LLPH: variants seen among roughly 807,000 people sequenced by gnomAD.
LLPH encodes protein LLP homolog.
In LLPH, 5 loss-of-function variants were observed where a neutral mutation model predicts 13.3. The ratio of observed to expected loss-of-function variants is 0.38; its 90% CI spans 0.20 to 0.79. The LOEUF (loss-of-function observed/expected upper bound fraction) is 0.79, where lower values mean the gene tolerates loss of function less well. Among genes scored for constraint, LLPH ranks in the 30% least tolerant of loss-of-function variants. The probability of loss-of-function intolerance (pLI) is 0.45; values close to 1 mark genes in which losing one functional copy is unlikely to be tolerated. For synonymous variants in LLPH, 32 were observed against 44.2 expected, an observed-to-expected ratio of 0.72 and a Z score of 1.09; for missense variants, 129 against 152.1, an observed-to-expected ratio of 0.85 and a Z score of 0.80.
intron 2 of LLPH, among the ~76,000 whole-genome samples, chr12:66,127,282 G>T (rs896250121): frequency 6.6e-6 from 1 of 152,186 alleles, no homozygotes; most frequent in Admixed American, 6.5e-5. Context: ...CCCAGCAACC[G>T]TTGAATGGAT....
Position 66,120,850 on chromosome 12 carries a change from C to T in LLPH, c.*2990G>A, listed in dbSNP as rs2051458683. ...ATACCCCTGCACTAATTTTGAAATG[C>T]TAGTCTAAATTTCCTGCCAATATTT... On this transcript the variant is annotated 3_prime_UTR_variant, in exon 3 of 3. Coordinates refer to ENST00000266604, the MANE Select transcript of LLPH (RefSeq NM_032338.4). 1 of 152,188 alleles carries T rather than the reference C, an allele frequency of 6.6e-6. No individual in the cohort carries two copies. Among genetic ancestry groups the T allele is most frequent in the South Asian group, 2.1e-4 (1 of 4,834 alleles). 9.4% of individuals were successfully genotyped at this position (152,188 alleles called of 1,614,324 possible). A position where few individuals can be genotyped will look rare whatever the true frequency, so the allele number is the denominator to read the frequency against.
At chr12:66,129,435 G>A (rs550725737) in intron 1 of LLPH, among the ~76,000 whole-genome samples, 1 of 151,250 alleles carries the variant, frequency 6.6e-6, no homozygotes, top group Admixed American at 6.6e-5. Flanking sequence ...TCCCAGGCTG[G>A]AGTGCAGTGG....
chr12:66,123,500 ACAT>A lies in LLPH; in HGVS notation c.*337_*339del, dbSNP rs2051476917. The A allele has an allele frequency of 4.6e-6, 1 of 219,076 alleles. No individual in the cohort carries two copies. Among genetic ancestry groups the A allele is most frequent in the South Asian group, 1.4e-4 (1 of 7,022 alleles). 13.6% of individuals were successfully genotyped at this position (219,076 alleles called of 1,614,324 possible). The stretch of plus-strand genomic sequence containing the variant: ...TCTAAGTTCACAAAAATTTGTCAGT[ACAT>A]CATCTGTTTTATCTCTATTGACTAT... On this transcript the variant is annotated 3_prime_UTR_variant, in exon 3 of 3. Transcript: ENST00000266604.
In LLPH at chr12:66,122,634, A is replaced by C. The variant is rs2051470261; in HGVS notation, c.*1206T>G. The C allele has an allele frequency of 6.6e-6, 1 of 152,234 alleles. No individual in the cohort carries two copies. Among genetic ancestry groups the C allele is most frequent in the Non-Finnish European group, 1.5e-5 (1 of 68,046 alleles). 9.4% of individuals were successfully genotyped at this position (152,234 alleles called of 1,614,324 possible). ...CTGTAGTAAGACAGATTTAACTAAAAATCATTTCTCAGAAAACTAGTTTCA... is the reference window on the plus strand; with the variant it reads ...CTGTAGTAAGACAGATTTAACTAAACATCATTTCTCAGAAAACTAGTTTCA... On this transcript the variant is annotated 3_prime_UTR_variant, in exon 3 of 3. Coordinates refer to ENST00000266604, the MANE Select transcript of LLPH (RefSeq NM_032338.4).
chr12:66,126,519 T>C (rs1228247671), intron 2 of LLPH, among the ~76,000 whole-genome samples: 5 of 151,972 alleles, frequency 3.3e-5, no homozygotes, highest in Non-Finnish European at 2.9e-5. Flanking sequence ...ATCTAGAACA[T>C]ATAAAGAACT....
chr12:66,122,968 CTAAAAT>C lies in LLPH; in HGVS notation c.*866_*871del, dbSNP rs1396607109. 1 of 151,696 alleles carries C rather than the reference CTAAAAT, an allele frequency of 6.6e-6. No individual in the cohort carries two copies. Among genetic ancestry groups the C allele is most frequent in the East Asian group, 1.9e-4 (1 of 5,190 alleles). The allele number at this position is 151,696 out of a possible 1,614,324, so 9.4% of individuals were successfully genotyped here. On this transcript the variant is annotated 3_prime_UTR_variant, in exon 3 of 3. Coordinates refer to ENST00000266604, the MANE Select transcript of LLPH (RefSeq NM_032338.4). Reference sequence around the variant, plus strand: ...TGATTTGTATATGTTAATATTCTACCTAAAATTAAGATAAGAAAACATTTAATTGAA... The same window carrying C: ...TGATTTGTATATGTTAATATTCTACCTAAGATAAGAAAACATTTAATTGAA...
intron 2 of LLPH, among the ~76,000 whole-genome samples, chr12:66,128,221 CT>C (rs926946559): frequency 6.6e-5 from 10 of 152,134 alleles, no homozygotes; most frequent in African/African-American, 2.4e-4. Context: ...AGAAATACTG[CT>C]CTTTTCCTTG....
rs1471927756 is a variant in LLPH, at chr12:66,118,404, T to C, written c.*5436A>G. The C allele has an allele frequency of 6.6e-6, 1 of 152,116 alleles. No individual in the cohort carries two copies. Among genetic ancestry groups the C allele is most frequent in the Non-Finnish European group, 1.5e-5 (1 of 68,128 alleles). The allele number at this position is 152,116 out of a possible 1,614,324, so 9.4% of individuals were successfully genotyped here. On this transcript the variant is annotated 3_prime_UTR_variant, in exon 3 of 3. Coordinates refer to ENST00000266604, the MANE Select transcript of LLPH (RefSeq NM_032338.4). Reference sequence around the variant, plus strand: ...AAATATACAGCAGTATACAGTCATGTCTGAGGCCTTCACATTCACTCATGG... The same window carrying C: ...AAATATACAGCAGTATACAGTCATGCCTGAGGCCTTCACATTCACTCATGG...
chr12:66,120,190 G>C lies in LLPH; in HGVS notation c.*3650C>G, dbSNP rs2051454398. ...TGCCTTAGGCCTAGAGATTTGAGGA[G>C]GGTTCTGTACATCATTATTCTACTT... On this transcript the variant is annotated 3_prime_UTR_variant, in exon 3 of 3. Coordinates refer to ENST00000266604, the MANE Select transcript of LLPH (RefSeq NM_032338.4). 1 of 152,092 alleles carries C rather than the reference G, an allele frequency of 6.6e-6. No individual in the cohort carries two copies. The highest frequency in any genetic ancestry group is 1.9e-4 in the East Asian group (1 of 5,186). 9.4% of individuals were successfully genotyped at this position (152,092 alleles called of 1,614,324 possible).
At chr12:66,129,163 A>G in intron 1 of LLPH, 50 bp from the exon 2 acceptor site, 1 of 1,260,914 alleles carries the variant, frequency 7.9e-7, no homozygotes, top group Admixed American at 2.0e-5. Context: ...AATATAAAAA[A>G]GAAAACAGGC....
chr12:66,119,770 C>T lies in LLPH; in HGVS notation c.*4070G>A, dbSNP rs1486244431. 1 of 152,218 alleles carries T rather than the reference C, an allele frequency of 6.6e-6. No individual in the cohort carries two copies. The highest frequency in any genetic ancestry group is 1.5e-5 in the Non-Finnish European group (1 of 68,044). 9.4% of individuals were successfully genotyped at this position (152,218 alleles called of 1,614,324 possible). ...GTGGTCAGCACTTCCCTAAATTACA[C>T]ATTGCTGCCCCTCACCATCACCACC... On this transcript the variant is annotated 3_prime_UTR_variant, in exon 3 of 3. Transcript: ENST00000266604.
At chr12:66,125,596 A>C (rs771159836) in intron 2 of LLPH, among the ~76,000 whole-genome samples, 1 of 152,160 alleles carries the variant, frequency 6.6e-6, no homozygotes, top group Non-Finnish European at 1.5e-5. Context: ...GCAGGACATA[A>C]GATAATTTCT....
At position 66,129,077 on chromosome 12, in the gene LLPH, T is replaced by A; in HGVS notation, c.30A>T (p.Lys10Asn). Residue 10 changes from lysine to asparagine, a missense_variant, in exon 2 of 3, where the codon AAA becomes AAT. Transcript: ENST00000266604. MAKSLRSKW[K>N]RKMRAEKRKK... ...TTCTCTTTTCAGCACGCATCTTTCT[T>A]TTCCACTTACTCCGTAAGCTTTTAG... 6.2e-7 allele frequency: 1 copy of A among 1,612,320 alleles called. No homozygotes were observed. The highest frequency in any genetic ancestry group is 8.5e-7 in the Non-Finnish European group (1 of 1,179,124).
At chr12:66,125,404 G>A (rs1355566769) in intron 2 of LLPH, among the ~76,000 whole-genome samples, 2 of 152,206 alleles carry the variant, frequency 1.3e-5, no homozygotes, top group African/African-American at 2.4e-5. Flanking sequence ...TAGGTTTATG[G>A]CTTAAGAAAT....
rs1316546100 is a variant in LLPH, at chr12:66,118,148, G to A, written c.*5692C>T. On this transcript the variant is annotated 3_prime_UTR_variant, in exon 3 of 3. Coordinates refer to ENST00000266604, the MANE Select transcript of LLPH (RefSeq NM_032338.4). ...GGAGGCTGAGGCAGGTGGATCACCT[G>A]AGGTCAGGAGTTCAAGGCCAGCCTG... The A allele has an allele frequency of 2.0e-5, 3 of 152,288 alleles. No homozygotes were observed. Among genetic ancestry groups the A allele is most frequent in the Non-Finnish European group, 4.4e-5 (3 of 68,136 alleles). The allele number at this position is 152,288 out of a possible 1,614,324, so 9.4% of individuals were successfully genotyped here.
chr12:66,127,241 C>T (rs556935019), intron 2 of LLPH, among the ~76,000 whole-genome samples: 58 of 152,294 alleles, frequency 3.8e-4, no homozygotes, highest in African/African-American at 1.3e-3. Flanking sequence ...GCACTATTCA[C>T]AACACCCATA....
At chr12:66,129,142 A>T in intron 1 of LLPH, 29 bp from the exon 2 acceptor site, 1 of 1,425,062 alleles carries the variant, frequency 7.0e-7, no homozygotes, top group South Asian at 1.2e-5. Flanking sequence ...CACATTCAAA[A>T]GCAAATCTTT....
intron 2 of LLPH, among the ~76,000 whole-genome samples, 179 bp from the exon 3 acceptor site, chr12:66,124,197 A>C (rs1214004264): frequency 6.6e-6 from 1 of 152,218 alleles, no homozygotes; most frequent in African/African-American, 2.4e-5. Context: ...AGTAATGTTA[A>C]ATAGGAAACA....
At position 66,120,978 on chromosome 12, in the gene LLPH, G is replaced by A. The variant is rs1368077921; in HGVS notation, c.*2862C>T. 1 of 152,184 alleles carries A rather than the reference G, an allele frequency of 6.6e-6. No individual in the cohort carries two copies. Among genetic ancestry groups the A allele is most frequent in the African/African-American group, 2.4e-5 (1 of 41,442 alleles). 9.4% of individuals were successfully genotyped at this position (152,184 alleles called of 1,614,324 possible). A position where few individuals can be genotyped will look rare whatever the true frequency, so the allele number is the denominator to read the frequency against. The stretch of plus-strand genomic sequence containing the variant: ...CTTCTCTTCAGCAGTCGCCTTTCCA[G>A]AGGCCATGTGACACTTGAGAACATG... On this transcript the variant is annotated 3_prime_UTR_variant, in exon 3 of 3. Coordinates refer to ENST00000266604, the MANE Select transcript of LLPH (RefSeq NM_032338.4).
Sources: gnomAD v4.1 joint callset for allele counts (sites outside exome capture counted in the v4.1 genomes callset) on GRCh38, gnomAD v4.1.1 for gene constraint, MANE v1.5 for transcripts, NCBI Gene and HGNC (gene_info 2026-07-23, HGNC 2026-07-21) for gene names.